The following COL7A1 variants were observed in gnomAD, a reference collection of about 807,000 sequenced individuals.
COL7A1 encodes collagen alpha-1(VII) chain.
Under a neutral mutation model 456.2 loss-of-function variants are expected in COL7A1, and 296 were observed. That is an observed-to-expected ratio of 0.65 (90% CI 0.59 to 0.71). The LOEUF (loss-of-function observed/expected upper bound fraction) is 0.71, where lower values mean the gene tolerates loss of function less well. COL7A1 is among the 30% of genes least tolerant of loss of function. The pLI, the probability that COL7A1 is intolerant of heterozygous loss-of-function variation, is 0.00. For missense variants in COL7A1, 3,441 were observed against 4,017.2 expected, an observed-to-expected ratio of 0.86 and a Z score of 3.88; for synonymous variants, 1,464 against 1,525.9, an observed-to-expected ratio of 0.96 and a Z score of 0.95.
chr3:48,568,472 GCCCCTGTGGGAGCAGGGGC>G lies in COL7A1; in HGVS notation c.7794+8_7794+26del. ...GACGGGGGCCCTCTGGGGACAGGGG[GCCCCTGTGGGAGCAGGGGC>G]ATCTTACCGGGTCACCAGGGATCCC... is the stretch of plus-strand genomic sequence containing the variant. On this transcript the variant is annotated splice_region_variant and intron_variant, in intron 105 of 118. Coordinates refer to ENST00000681320, the MANE Select transcript of COL7A1 (RefSeq NM_000094.4). The surrounding 1 kb of genome is among the most constrained non-coding windows in gnomAD (Gnocchi z 5.2). The G allele has an allele frequency of 6.3e-7, 1 of 1,590,458 alleles. No homozygotes were observed. The highest frequency in any genetic ancestry group is 8.6e-7 in the Non-Finnish European group (1 of 1,164,574).
At position 48,567,768 on chromosome 3, in the gene COL7A1, A is replaced by G. The variant is rs2043672539; in HGVS notation, c.7930-5T>C. On this transcript the variant is annotated splice_region_variant and splice_polypyrimidine_tract_variant and intron_variant, in intron 107 of 118. Coordinates refer to ENST00000681320, the MANE Select transcript of COL7A1 (RefSeq NM_000094.4). This position sits in a 1 kb window ranked among gnomAD's most constrained non-coding sequence, Gnocchi z 4.3. The stretch of plus-strand genomic sequence containing the variant: ...GCCTGGGGGACCAGCTTCTCCCTGC[A>G]GGCATCAGGCAGTGGGGTGAGCCTT... The G allele has an allele frequency of 6.2e-7, 1 of 1,613,990 alleles. No individual in the cohort carries two copies.
At position 48,590,201 on chromosome 3, in the gene COL7A1, G is replaced by A. The variant is rs1300851907; in HGVS notation, c.2050+12C>T. ...GGAGGCAGAGAGCCAAGGGACGGGG[G>A]CAGGGCCTGACCCGTTCGAGCCACG... On this transcript the variant is annotated intron_variant, in intron 16 of 118. Coordinates refer to ENST00000681320, the MANE Select transcript of COL7A1 (RefSeq NM_000094.4). This position sits in a 1 kb window ranked among gnomAD's most constrained non-coding sequence, Gnocchi z 4.6. 1.9e-6 allele frequency: 3 copies of A among 1,611,232 alleles called. No individual in the cohort carries two copies. The highest frequency in any genetic ancestry group is 2.2e-5 in the East Asian group (1 of 44,846).
rs368529673 is a variant in COL7A1, at chr3:48,568,100, C to T, written c.7865G>A (p.Arg2622Gln). Reference sequence around the variant, plus strand: ...TTGTTTCTTTCCTACCTTGAGGCCCCGGGGACCCATGAAGCCAACATCTCC... The same window carrying T: ...TTGTTTCTTTCCTACCTTGAGGCCCTGGGGACCCATGAAGCCAACATCTCC... ...EKGDVGFMGP[R>Q]GLKGERGVKG... The change falls in exon 106 of 119, where the codon CGG becomes CAG. Residue 2622 changes from arginine to glutamine, a missense_variant. By Grantham distance (43) the Arg-to-Gln change is conservative (BLOSUM62 1). This residue lies in a region of COL7A1 where 2,084 missense variants were observed against 2,501.3 expected (regional missense o/e 0.83). Transcript: ENST00000681320. The surrounding 1 kb of genome is among the most constrained non-coding windows in gnomAD (Gnocchi z 5.2). 5.6e-6 allele frequency: 9 copies of T among 1,614,074 alleles called. No homozygotes were observed. Among genetic ancestry groups the T allele is most frequent in the East Asian group, 2.2e-5 (1 of 44,902 alleles).
rs200892831 is a variant in COL7A1, at chr3:48,592,653, C to T, written c.893G>A (p.Arg298Gln). The T allele has an allele frequency of 1.5e-4, 250 of 1,613,772 alleles. No homozygotes were observed. The highest frequency in any genetic ancestry group is 2.0e-4 in the Non-Finnish European group (235 of 1,180,016). Residue 298 changes from arginine to glutamine, a missense_variant, in exon 8 of 119, where the codon CGG becomes CAG. Arg to Gln is a conservative substitution (Grantham distance 43). This residue lies in a region of COL7A1 where 913 missense variants were observed against 1,088.2 expected (regional missense o/e 0.84). Coordinates refer to ENST00000681320, the MANE Select transcript of COL7A1 (RefSeq NM_000094.4). The surrounding 1 kb of genome is among the most constrained non-coding windows in gnomAD (Gnocchi z 7.6). ...GETSVRLRGL[R>Q]PLTEYQVTVI... ...AGTCACTTGGTACTCGGTCAGTGGC[C>T]GGAGACCCCGCAGCCGCACACTGGT...
At position 48,582,899 on chromosome 3, in the gene COL7A1, T is replaced by C. The variant is rs2107722035; in HGVS notation, c.4518+114A>G. ...TAGAGCCTGTATCAGCAGGGATAAG[T>C]GGTCATTGAGGAGGGGTGAGGAGCA... On this transcript the variant is annotated intron_variant, in intron 44 of 118. Transcript: ENST00000681320. The C allele has an allele frequency of 4.7e-6, 7 of 1,476,618 alleles. No individual in the cohort carries two copies. In the South Asian group the frequency reaches 5.7e-5, roughly 12 times the overall value. The allele number at this position is 1,476,618 out of a possible 1,614,324, so 91.5% of individuals were successfully genotyped here.
In COL7A1 at chr3:48,583,915, C is replaced by T. The variant is rs571762097; in HGVS notation, c.4263G>A (p.Gly1421=). The stretch of plus-strand genomic sequence containing the variant: ...GGCCCCTCACCGGCAGCCCAGGCTC[C>T]CCAGGAGCAATGCCACCTTCACCTG... ...PGPGEGGIAP[G]EPGLPGLPGS... is the part of the protein sequence containing the mutation. The change falls in exon 39 of 119, where the codon GGG becomes GGA. Residue 1421 remains glycine, a synonymous_variant. Transcript: ENST00000681320. The surrounding 1 kb of genome is among the most constrained non-coding windows in gnomAD (Gnocchi z 5.1). 3 of 1,613,934 alleles carry T rather than the reference C, an allele frequency of 1.9e-6. No homozygotes were observed. In the South Asian group the frequency reaches 3.3e-5, roughly 18 times the overall value.
chr3:48,578,368 G>A lies in COL7A1; in HGVS notation c.5488-3C>T, dbSNP rs2044474392. ...TTGCCATCCTCGCCTGGCTTTCCCT[G>A]TGGGAACAGATCACTGGTTGGATGT... On this transcript the variant is annotated splice_region_variant and splice_polypyrimidine_tract_variant and intron_variant, in intron 64 of 118. Coordinates refer to ENST00000681320, the MANE Select transcript of COL7A1 (RefSeq NM_000094.4). The surrounding 1 kb of genome is among the most constrained non-coding windows in gnomAD (Gnocchi z 4.7). The A allele has an allele frequency of 1.2e-6, 2 of 1,613,382 alleles. No homozygotes were observed. Among genetic ancestry groups the A allele is most frequent in the African/African-American group, 2.7e-5 (2 of 75,012 alleles).
At position 48,572,131 on chromosome 3, in the gene COL7A1, T is replaced by A. The variant is rs2043966621; in HGVS notation, c.7019A>T (p.Glu2340Val). 3 of 1,614,030 alleles carry A rather than the reference T, an allele frequency of 1.9e-6. No individual in the cohort carries two copies. Among genetic ancestry groups the A allele is most frequent in the Admixed American group, 3.3e-5 (2 of 60,018 alleles). The part of the protein sequence containing the change: ...GDRGLPGPRG[E>V]KGEAGRAGEP... ...CCCAGGGCCAACCCACCTCACCTTC[T>A]CGCCTCGCGGCCCTGGCAGTCCTCG... is the stretch of plus-strand genomic sequence containing the variant. The change falls in exon 91 of 119, where the codon GAG becomes GTG. Residue 2340 changes from glutamate to valine, a missense_variant. By Grantham distance (121) the Glu-to-Val change is moderately radical (BLOSUM62 -2). This residue lies in a region of COL7A1 where 2,084 missense variants were observed against 2,501.3 expected (regional missense o/e 0.83). Transcript: ENST00000681320. This position sits in a 1 kb window ranked among gnomAD's most constrained non-coding sequence, Gnocchi z 4.6.
rs1483525482 is a variant in COL7A1, at chr3:48,576,980, G to A, written c.5568+12C>T. 2 of 1,614,022 alleles carry A rather than the reference G, an allele frequency of 1.2e-6. No individual in the cohort carries two copies. Among genetic ancestry groups the A allele is most frequent in the Admixed American group, 1.7e-5 (1 of 60,034 alleles). ...AGCAGAGACCAGAGAGACCCCAGGT[G>A]GGGGACTTTACCTTCCTCCCGTCTT... On this transcript the variant is annotated intron_variant, in intron 66 of 118. Coordinates refer to ENST00000681320, the MANE Select transcript of COL7A1 (RefSeq NM_000094.4).
Position 48,574,570 on chromosome 3 carries a change from C to A in COL7A1, c.6394-20G>T, listed in dbSNP as rs377059344. On this transcript the variant is annotated intron_variant, in intron 78 of 118. Coordinates refer to ENST00000681320, the MANE Select transcript of COL7A1 (RefSeq NM_000094.4). The surrounding 1 kb of genome is among the most constrained non-coding windows in gnomAD (Gnocchi z 5.0). ...CACACCCTGAAGGCAGAGTGTCGTGCCCTGAGCCCCCAGTCCCTGCCACGT... is the reference window on the plus strand; with the variant it reads ...CACACCCTGAAGGCAGAGTGTCGTGACCTGAGCCCCCAGTCCCTGCCACGT... The A allele has an allele frequency of 1.9e-6, 3 of 1,613,732 alleles. No homozygotes were observed. The African/African-American group carries it at 4.0e-5, about 22-fold the overall frequency.
Position 48,574,890 on chromosome 3 carries a change from G to A in COL7A1, c.6280-25C>T, listed in dbSNP as rs2044182320. 1 of 1,612,972 alleles carries A rather than the reference G, an allele frequency of 6.2e-7. No individual in the cohort carries two copies. Among genetic ancestry groups the A allele is most frequent in the East Asian group, 2.2e-5 (1 of 44,862 alleles). ...CCTACAAACACAAGGTCACAGGGGA[G>A]AGATGTCTCTGTCATAGAGGCATGG... is the stretch of plus-strand genomic sequence containing the variant. On this transcript the variant is annotated intron_variant, in intron 76 of 118. Coordinates refer to ENST00000681320, the MANE Select transcript of COL7A1 (RefSeq NM_000094.4). This position sits in a 1 kb window ranked among gnomAD's most constrained non-coding sequence, Gnocchi z 5.0.
Position 48,592,476 on chromosome 3 carries a change from G to A in COL7A1, c.977-9C>T, listed in dbSNP as rs2045773754. ...CGGCCCTTCTAGGGCAGCTGGGGGA[G>A]AGTCCCACCAGGGATTCATGGAGTC... On this transcript the variant is annotated splice_polypyrimidine_tract_variant and intron_variant, in intron 8 of 118. Coordinates refer to ENST00000681320, the MANE Select transcript of COL7A1 (RefSeq NM_000094.4). The surrounding 1 kb of genome is among the most constrained non-coding windows in gnomAD (Gnocchi z 7.6). 1 of 1,613,320 alleles carries A rather than the reference G, an allele frequency of 6.2e-7. No homozygotes were observed.
In COL7A1 at chr3:48,586,774, G is replaced by T; in HGVS notation, c.3277-85C>A. The T allele has an allele frequency of 6.6e-7, 1 of 1,526,076 alleles. No individual in the cohort carries two copies. The highest frequency in any genetic ancestry group is 8.9e-7 in the Non-Finnish European group (1 of 1,127,108). 94.5% of individuals were successfully genotyped at this position (1,526,076 alleles called of 1,614,324 possible). ...AGAGCCTGGAGAAACACATCAGGGT[G>T]TGTGTGACCAAACCCTATCTATTAG... On this transcript the variant is annotated intron_variant, in intron 25 of 118. Coordinates refer to ENST00000681320, the MANE Select transcript of COL7A1 (RefSeq NM_000094.4). The surrounding 1 kb of genome is among the most constrained non-coding windows in gnomAD (Gnocchi z 5.1).
Position 48,590,189 on chromosome 3 carries a change from C to T in COL7A1, c.2050+24G>A, listed in dbSNP as rs746062456. ...TGAAAGAGCAATGGAGGCAGAGAGC[C>T]AAGGGACGGGGGCAGGGCCTGACCC... is the stretch of plus-strand genomic sequence containing the variant. On this transcript the variant is annotated intron_variant, in intron 16 of 118. Transcript: ENST00000681320. This position sits in a 1 kb window ranked among gnomAD's most constrained non-coding sequence, Gnocchi z 4.6. 6.2e-7 allele frequency: 1 copy of T among 1,608,736 alleles called. No individual in the cohort carries two copies. Among genetic ancestry groups the T allele is most frequent in the Non-Finnish European group, 8.5e-7 (1 of 1,176,992 alleles).
At position 48,571,091 on chromosome 3, in the gene COL7A1, A is replaced by G. The variant is rs781780574; in HGVS notation, c.7164+10T>C. The G allele has an allele frequency of 1.7e-5, 28 of 1,613,650 alleles. No homozygotes were observed. The highest frequency in any genetic ancestry group is 2.3e-5 in the Non-Finnish European group (27 of 1,179,896). On this transcript the variant is annotated intron_variant, in intron 94 of 118. Transcript: ENST00000681320. This position sits in a 1 kb window ranked among gnomAD's most constrained non-coding sequence, Gnocchi z 4.6. ...CTGCCCCTACAACTGGTGATGGGGCATTGACTTACCTTCACACCTGGAGGG... is the reference window on the plus strand; with the variant it reads ...CTGCCCCTACAACTGGTGATGGGGCGTTGACTTACCTTCACACCTGGAGGG...
In COL7A1 at chr3:48,573,896, TAG is replaced by T. The variant is rs1424574368; in HGVS notation, c.6502-8_6502-7del. On this transcript the variant is annotated splice_polypyrimidine_tract_variant and splice_region_variant and intron_variant, in intron 80 of 118. Transcript: ENST00000681320. The surrounding 1 kb of genome is among the most constrained non-coding windows in gnomAD (Gnocchi z 5.5). Reference sequence around the variant, plus strand: ...CCTCTTGGACCCTGCAGACCCTACATAGAGAGGGCACTGATGAGCCTCAATCT... The same window carrying T: ...CCTCTTGGACCCTGCAGACCCTACATAGAGGGCACTGATGAGCCTCAATCT... 6.2e-7 allele frequency: 1 copy of T among 1,613,204 alleles called. No homozygotes were observed. Among genetic ancestry groups the T allele is most frequent in the Admixed American group, 1.7e-5 (1 of 59,978 alleles).
At chr3:48,582,283 G>C (rs2107717198) in intron 47 of COL7A1, 40 bp downstream of exon 47, 2 of 1,613,750 alleles carry the variant, frequency 1.2e-6, no homozygotes, top group Non-Finnish European at 1.7e-6. Flanking sequence ...ACTGCTCAAG[G>C]GCTGTGCTGT....
At chr3:48,576,376 A>G in intron 70 of COL7A1, 24 bp downstream of exon 70, 1 of 1,613,860 alleles carries the variant, frequency 6.2e-7, no homozygotes, top group Middle Eastern at 1.6e-4. Flanking sequence ...CTACCTGGGC[A>G]TGTGGAAAAG....
In COL7A1 at chr3:48,588,244, C is replaced by A. The variant is rs1222506875; in HGVS notation, c.2710+38G>T. ...TGCGGAGTCTGCCACAGCCCTGCCC[C>A]CAATGGTCCCTAACTTCCTCCTGGG... On this transcript the variant is annotated intron_variant, in intron 21 of 118. Coordinates refer to ENST00000681320, the MANE Select transcript of COL7A1 (RefSeq NM_000094.4). This position sits in a 1 kb window ranked among gnomAD's most constrained non-coding sequence, Gnocchi z 4.6. The A allele has an allele frequency of 2.5e-6, 4 of 1,612,812 alleles. No individual in the cohort carries two copies. The highest frequency in any genetic ancestry group is 2.2e-5 in the East Asian group (1 of 44,876).
Sources: allele counts gnomAD v4.1 joint callset, GRCh38; gene constraint gnomAD v4.1.1; regional missense constraint gnomAD v4.1.1; non-coding constraint Gnocchi (gnomAD v3.1); transcripts MANE v1.5; gene names NCBI Gene and HGNC (gene_info 2026-07-23, HGNC 2026-07-21).